SEMA6D: variants seen among roughly 807,000 people sequenced by gnomAD.
SEMA6D encodes semaphorin-6D.
In SEMA6D, 35 loss-of-function variants were observed where a neutral mutation model predicts 106.6. The ratio of observed to expected loss-of-function variants is 0.33; its 90% CI spans 0.25 to 0.44. SEMA6D has a LOEUF of 0.44. Ranked by LOEUF, SEMA6D falls within the 20% of genes least tolerant of loss-of-function variation. SEMA6D has a pLI of 1.00. For synonymous variants in SEMA6D, 499 were observed against 487.7 expected, an observed-to-expected ratio of 1.02 and a Z score of -0.31; for missense variants, 1,185 against 1,345.9, an observed-to-expected ratio of 0.88 and a Z score of 1.87.
At chr15:47,596,461 A>G (rs2076538118) in intron 3 of SEMA6D, among the ~76,000 whole-genome samples, 2 of 152,142 alleles carry the variant, frequency 1.3e-5, no homozygotes, top group Admixed American at 1.3e-4. Flanking sequence ...TGCAAAAGAC[A>G]CCAAATAGCC....
intron 1 of SEMA6D, among the ~76,000 whole-genome samples, chr15:47,315,444 A>G (rs963289909): frequency 6.6e-6 from 1 of 152,170 alleles, no homozygotes; most frequent in African/African-American, 2.4e-5. Flanking sequence ...ATCCTCTTCC[A>G]TTAATCTATT....
In SEMA6D at chr15:47,772,598, A is replaced by T. The variant is rs1020341920; in HGVS notation, c.*813A>T. ...GTGGTACCCAATGCCAGAATGTAAGAGTTGCAAGTGATTTTGTGCTGCTAT... is the reference window on the plus strand; with the variant it reads ...GTGGTACCCAATGCCAGAATGTAAGTGTTGCAAGTGATTTTGTGCTGCTAT... On this transcript the variant is annotated 3_prime_UTR_variant, in exon 19 of 19. Transcript: ENST00000536845. 2 of 152,546 alleles carry T rather than the reference A, an allele frequency of 1.3e-5. No individual in the cohort carries two copies. The highest frequency in any genetic ancestry group is 2.9e-5 in the Non-Finnish European group (2 of 68,030). The allele number at this position is 152,546 out of a possible 1,614,324, so 9.4% of individuals were successfully genotyped here. A position where few individuals can be genotyped will look rare whatever the true frequency, so the allele number is the denominator to read the frequency against.
chr15:47,454,832 A>G (rs981552136), intron 2 of SEMA6D, among the ~76,000 whole-genome samples: 16 of 151,966 alleles, frequency 1.1e-4, no homozygotes, highest in African/African-American at 3.9e-4. Context: ...ACAGCCAGGT[A>G]GTATGGGGAC....
chr15:47,436,895 C>T (rs1052478720), intron 2 of SEMA6D, among the ~76,000 whole-genome samples: 3 of 146,592 alleles, frequency 2.0e-5, no homozygotes, highest in African/African-American at 7.6e-5. Flanking sequence ...AATTGTGCCA[C>T]TGCACTCCAG....
intron 1 of SEMA6D, among the ~76,000 whole-genome samples, chr15:47,199,009 C>G (rs967126946): frequency 2.0e-5 from 3 of 152,180 alleles, no homozygotes; most frequent in Non-Finnish European, 2.9e-5. Flanking sequence ...ACATTGACAA[C>G]TACTTTACAC....
At chr15:47,349,777 T>A (rs2144756923) in intron 1 of SEMA6D, among the ~76,000 whole-genome samples, 1 of 152,270 alleles carries the variant, frequency 6.6e-6, no homozygotes, top group Middle Eastern at 3.4e-3. Context: ...TTGGTCTCAA[T>A]GCTAATGTGG....
At chr15:47,308,847 A>G (rs761564887) in intron 1 of SEMA6D, among the ~76,000 whole-genome samples, 2 of 152,210 alleles carry the variant, frequency 1.3e-5, no homozygotes, top group Non-Finnish European at 2.9e-5. Flanking sequence ...AAATAAGTGA[A>G]GCTACTCTAG....
At chr15:47,679,692 A>G (rs1952947105) in intron 4 of SEMA6D, among the ~76,000 whole-genome samples, 1 of 152,224 alleles carries the variant, frequency 6.6e-6, no homozygotes. Flanking sequence ...AAATTGAAAT[A>G]AATTTCTCCA....
chr15:47,722,403 C>A (rs900212023), intron 1 of SEMA6D, among the ~76,000 whole-genome samples: 1 of 152,172 alleles, frequency 6.6e-6, no homozygotes, highest in Non-Finnish European at 1.5e-5. Flanking sequence ...ACAAAGAACA[C>A]GCGATGTACC....
At chr15:47,337,685 CAG>C (rs1308748526) in intron 1 of SEMA6D, among the ~76,000 whole-genome samples, 1 of 152,006 alleles carries the variant, frequency 6.6e-6, no homozygotes, top group Non-Finnish European at 1.5e-5. Context: ...TTGTCTGAAA[CAG>C]GGAGAGATGA....
At chr15:47,594,336 A>G (rs1314529590) in intron 3 of SEMA6D, among the ~76,000 whole-genome samples, 1 of 152,076 alleles carries the variant, frequency 6.6e-6, no homozygotes, top group East Asian at 1.9e-4. Context: ...TTGCTCTTTA[A>G]AGGCCAGTAC....
At chr15:47,688,649 A>G (rs1205685857) in intron 4 of SEMA6D, among the ~76,000 whole-genome samples, 2 of 152,174 alleles carry the variant, frequency 1.3e-5, no homozygotes, top group Admixed American at 6.5e-5. Context: ...TGGGAGGGAC[A>G]TTGATGAGGC....
intron 3 of SEMA6D, among the ~76,000 whole-genome samples, chr15:47,545,177 G>A (rs1015476624): frequency 6.6e-6 from 1 of 152,064 alleles, no homozygotes; most frequent in Non-Finnish European, 1.5e-5. Context: ...TAATACTTTA[G>A]GATTCTGAAG....
intron 1 of SEMA6D, among the ~76,000 whole-genome samples, chr15:47,740,080 T>G (rs1204344089): frequency 1.3e-5 from 2 of 152,158 alleles, no homozygotes; most frequent in African/African-American, 4.8e-5. Context: ...GCTTTTCCAT[T>G]GGTTTATATG....
chr15:47,654,023 A>C (rs2077744097), intron 4 of SEMA6D, among the ~76,000 whole-genome samples: 1 of 152,196 alleles, frequency 6.6e-6, no homozygotes, highest in Admixed American at 6.5e-5. Flanking sequence ...TAGTGATATA[A>C]AATCTTATCT....
At chr15:47,744,114 A>G (rs2080978745) in intron 1 of SEMA6D, among the ~76,000 whole-genome samples, 2 of 152,222 alleles carry the variant, frequency 1.3e-5, no homozygotes, top group Non-Finnish European at 2.9e-5. Context: ...GATAAAGTAG[A>G]GAACAGACAG....
intron 4 of SEMA6D, among the ~76,000 whole-genome samples, chr15:47,657,600 G>A (rs540053634): frequency 1.9e-4 from 29 of 150,412 alleles, no homozygotes; most frequent in African/African-American, 7.1e-4. Flanking sequence ...TATAATGCAT[G>A]TTCTCCTTTT....
At chr15:47,457,923 A>G (rs2042393229) in intron 2 of SEMA6D, among the ~76,000 whole-genome samples, 1 of 151,994 alleles carries the variant, frequency 6.6e-6, no homozygotes, top group South Asian at 2.1e-4. Flanking sequence ...GTCGCAATGA[A>G]TACAGACAAA....
chr15:47,757,615 T>C (rs893484035), intron 1 of SEMA6D, among the ~76,000 whole-genome samples: 1 of 152,218 alleles, frequency 6.6e-6, no homozygotes, highest in East Asian at 1.9e-4. Context: ...TGTTGGTGAT[T>C]GCTTTTTTGT....
Sources: allele counts gnomAD v4.1 joint callset (sites outside exome capture counted in the v4.1 genomes callset), GRCh38; gene constraint gnomAD v4.1.1; transcripts MANE v1.5; gene names NCBI Gene and HGNC (gene_info 2026-07-23, HGNC 2026-07-21).